Variants in MED12L observed in about 807,000 individuals in gnomAD.
MED12L encodes mediator of RNA polymerase II transcription subunit 12-like protein.
A neutral mutation model predicts 281.3 loss-of-function variants in MED12L; 60 were observed. That is an observed-to-expected ratio of 0.21 (90% confidence interval 0.17 to 0.26). The LOEUF (loss-of-function observed/expected upper bound fraction) is 0.26. Among genes scored for constraint, MED12L ranks in the 10% least tolerant of loss-of-function variants. The pLI is 1.00. For missense variants in MED12L, 2,146 were observed against 2,680.9 expected (o/e 0.80, Z 4.41); for synonymous variants, 974 against 987.2 (o/e 0.99, Z 0.25).
intron 2 of MED12L, among the ~76,000 whole-genome samples, chr3:151,101,015 A>C (rs1281900648): frequency 1.3e-5 from 2 of 152,226 alleles, no homozygotes; most frequent in Admixed American, 6.5e-5. Context: ...CAGGAAAATG[A>C]AATGCTGCTT....
intron 16 of MED12L, among the ~76,000 whole-genome samples, chr3:151,229,453 CG>C (rs1167919604): frequency 1.4e-5 from 2 of 147,570 alleles, no homozygotes; most frequent in Non-Finnish European, 3.0e-5. Context: ...ACTACAGGCT[CG>C]TGCCACCATG....
chr3:151,413,600 G>A (rs750229592), intron 42 of MED12L, among the ~76,000 whole-genome samples: 2 of 152,160 alleles, frequency 1.3e-5, no homozygotes, highest in Non-Finnish European at 2.9e-5. Flanking sequence ...CCCAGTCTCT[G>A]TTTAAGTAGG....
chr3:151,429,905 C>T (rs1165187135), intron 43 of MED12L, among the ~76,000 whole-genome samples: 1 of 152,188 alleles, frequency 6.6e-6, no homozygotes, highest in African/African-American at 2.4e-5. Context: ...AAGGCACAAC[C>T]TGTAGTCCTT....
At chr3:151,392,467 G>GAAAAAAAAAA (rs200781609) in intron 38 of MED12L, among the ~76,000 whole-genome samples, 1 of 95,862 alleles carries the variant, frequency 1.0e-5, no homozygotes, top group South Asian at 3.5e-4. Context: ...TCCATCTCAA[G>GAAAAAAAAAA]AAAAAAAAAA....
At chr3:151,202,877 A>C (rs1329911950) in intron 16 of MED12L, among the ~76,000 whole-genome samples, 1 of 152,200 alleles carries the variant, frequency 6.6e-6, no homozygotes, top group Non-Finnish European at 1.5e-5. Context: ...TCAGGTATTC[A>C]GTCTGGTGTC....
chr3:151,138,094 A>C (rs1306678198), intron 5 of MED12L, among the ~76,000 whole-genome samples: 1 of 152,170 alleles, frequency 6.6e-6, no homozygotes, highest in Non-Finnish European at 1.5e-5. Context: ...TTTTGCAAAA[A>C]ATATGCAAAT....
chr3:151,398,431 C>T (rs763306068), intron 39 of MED12L, among the ~76,000 whole-genome samples: 64 of 152,240 alleles, frequency 4.2e-4, no homozygotes, highest in Non-Finnish European at 3.5e-4. Context: ...CCTCTAGTTC[C>T]ACTGCAGAGA....
intron 5 of MED12L, among the ~76,000 whole-genome samples, chr3:151,133,576 T>G (rs946292218): frequency 8.6e-5 from 13 of 152,004 alleles, no homozygotes; most frequent in Non-Finnish European, 1.9e-4. Flanking sequence ...AAAGAAGAGT[T>G]TGTAATTCTT....
chr3:151,127,852 G>A lies in MED12L; in HGVS notation c.424G>A (p.Val142Ile). Reference protein sequence around the residue: ...KVPILSKKEDVFAYLAKYSVP... With the variant: ...KVPILSKKEDIFAYLAKYSVP... ...TCCTATCCTTAGTAAAAAAGAGGAT[G>A]TTTTTGCATATTTAGCTAAATATTC... is the stretch of plus-strand genomic sequence containing the variant. Residue 142 changes from valine to isoleucine, a missense_variant, in exon 5 of 45, where the codon GTT (valine) becomes ATT (isoleucine). Physicochemically the swap from Val to Ile is conservative, Grantham distance 29. Coordinates refer to ENST00000687756, the MANE Select transcript of MED12L (RefSeq NM_001393769.1). 4 of 1,611,776 alleles carry A rather than the reference G, an allele frequency of 2.5e-6. No individual in the cohort carries two copies. Among genetic ancestry groups the A allele is most frequent in the Non-Finnish European group, 3.4e-6 (4 of 1,178,142 alleles).
chr3:151,141,166 G>GTTTTTTTTTTTTTTT (rs750239134), intron 5 of MED12L, among the ~76,000 whole-genome samples: 13 of 98,060 alleles, frequency 1.3e-4, no homozygotes, highest in African/African-American at 3.7e-4. Flanking sequence ...CGTGCCTGGC[G>GTTTTTTTTTTTTTTT]TTTTTTTTTT....
At chr3:151,145,292 C>T (rs903667018) in intron 5 of MED12L, among the ~76,000 whole-genome samples, 4 of 150,586 alleles carry the variant, frequency 2.7e-5, no homozygotes, top group Non-Finnish European at 5.9e-5. Flanking sequence ...AGTGCACTAC[C>T]AATATTGTTA....
intron 5 of MED12L, among the ~76,000 whole-genome samples, chr3:151,148,428 CAT>C (rs2148898078): frequency 6.6e-6 from 1 of 152,308 alleles, no homozygotes; most frequent in South Asian, 2.1e-4. Flanking sequence ...TAATAGCTGA[CAT>C]GTACTGAAAT....
intron 16 of MED12L, among the ~76,000 whole-genome samples, chr3:151,216,085 C>G (rs1383610575): frequency 6.6e-6 from 1 of 152,166 alleles, no homozygotes; most frequent in East Asian, 1.9e-4. Context: ...CTCCTCTCTC[C>G]AGCTGTTTGT....
intron 43 of MED12L, among the ~76,000 whole-genome samples, chr3:151,417,628 G>A (rs1717770054): frequency 6.6e-6 from 1 of 151,634 alleles, no homozygotes; most frequent in African/African-American, 2.4e-5. Flanking sequence ...TGGGATTACA[G>A]GCACCTGCCA....
In MED12L at chr3:151,190,087, C is replaced by T. The variant is rs186743029; in HGVS notation, c.1754-630C>T. 2.9e-3 allele frequency among the ~76,000 whole-genome samples: 434 copies of T among 152,066 alleles called. 2 individuals are homozygous for T. The highest frequency in any genetic ancestry group is 3.9e-3 in the Non-Finnish European group (266 of 67,978). On this transcript the variant is annotated intron_variant, in intron 13 of 44. Transcript: ENST00000687756. ...CTGTTTTATTAGTAAAACCAGAGGA[C>T]GGCAGTCTAGTCCTGCTGTCTTTTT...
chr3:151,307,859 A>G (rs2149759952), intron 16 of MED12L, among the ~76,000 whole-genome samples: 1 of 152,230 alleles, frequency 6.6e-6, no homozygotes, highest in South Asian at 2.1e-4. Context: ...CTTCCCTGGT[A>G]GAAAGTGTTC....
At position 151,255,384 on chromosome 3, in the gene MED12L, A is replaced by G. The variant is rs113086038; in HGVS notation, c.2250+61718A>G. Among the ~76,000 whole-genome samples the G allele has an allele frequency of 6.8e-3, 1,029 of 151,938 alleles. 7 individuals carry two copies. Among genetic ancestry groups the G allele is most frequent in the South Asian group, 0.015 (70 of 4,814 alleles). ...AGTTGGGGGAGGGAGTTTCTAGATA[A>G]TGAGCATCCAGTAGAGTAGACGGAA... On this transcript the variant is annotated intron_variant, in intron 16 of 44. Coordinates refer to ENST00000687756, the MANE Select transcript of MED12L (RefSeq NM_001393769.1).
At chr3:151,237,350 CTTTTTTTTTTTTTTTT>C (rs1286631466) in intron 16 of MED12L, among the ~76,000 whole-genome samples, 2,777 of 94,632 alleles carry the variant, frequency 0.029, 100 homozygotes, top group African/African-American at 0.11. Flanking sequence ...TTTTTTTTTT[CTTTTTTTTTTTTTTTT>C]GAGACAGAGT....
At chr3:151,161,312 A>G (rs762833510) in intron 8 of MED12L, among the ~76,000 whole-genome samples, 14 of 152,222 alleles carry the variant, frequency 9.2e-5, no homozygotes, top group East Asian at 1.9e-4. Context: ...TACATGTCCA[A>G]TTCTGCAGAT....
Sources: allele counts gnomAD v4.1 joint callset (sites outside exome capture counted in the v4.1 genomes callset), GRCh38; gene constraint gnomAD v4.1.1; transcripts MANE v1.5; gene names NCBI Gene and HGNC (gene_info 2026-07-23, HGNC 2026-07-21).